TTF2: variants seen among roughly 807,000 people sequenced by gnomAD.
The protein encoded by TTF2 is transcription termination factor 2, also known as RNA polymerase II termination factor.
TTF2 carries 108 observed loss-of-function variants against 142.4 expected under a neutral mutation model. The ratio of observed to expected loss-of-function variants is 0.76; its 90% CI spans 0.65 to 0.89. The LOEUF is 0.89. Among genes scored for constraint, TTF2 ranks in the 40% least tolerant of loss-of-function variants. The probability of loss-of-function intolerance (pLI) is 0.00; values close to 1 mark genes in which losing one functional copy is unlikely to be tolerated. For synonymous variants in TTF2, 483 were observed against 506.2 expected, an observed-to-expected ratio of 0.95 and a Z score of 0.61; for missense variants, 1,327 against 1,379.8, an observed-to-expected ratio of 0.96 and a Z score of 0.61.
At chr1:117,074,769 C>T (rs1656852148) in intron 4 of TTF2, 101 bp from the exon 5 acceptor site, 3 of 1,111,384 alleles carry the variant, frequency 2.7e-6, no homozygotes, top group Non-Finnish European at 3.7e-6. Flanking sequence ...TGCATATGTA[C>T]CCCCTGTATA....
intron 3 of TTF2, among the ~76,000 whole-genome samples, chr1:117,064,398 G>A (rs1032977244): frequency 1.4e-4 from 22 of 152,246 alleles, no homozygotes; most frequent in African/African-American, 4.8e-4. Context: ...TACTCGGGAG[G>A]CTCATCATTT....
intron 18 of TTF2, chr1:117,094,519 A>G: frequency 2.2e-6 from 1 of 453,846 alleles, no homozygotes; most frequent in Non-Finnish European, 4.5e-6. Context: ...GTTCTTGGGG[A>G]ATACCCAGGG....
chr1:117,065,560 G>T (rs939162635), intron 3 of TTF2, among the ~76,000 whole-genome samples: 1 of 152,028 alleles, frequency 6.6e-6, no homozygotes, highest in Non-Finnish European at 1.5e-5. Flanking sequence ...TCGCGCCACC[G>T]CACTCCAGCT....
chr1:117,076,452 A>T lies in TTF2; in HGVS notation c.1390+158A>T. On this transcript the variant is annotated intron_variant, in intron 6 of 22. Coordinates refer to ENST00000369466, the MANE Select transcript of TTF2 (RefSeq NM_003594.4). The surrounding 1 kb of genome is among the most constrained non-coding windows in gnomAD (Gnocchi z 4.6). ...ACATTACACCTATGGTTCATAAAAA[A>T]CTTTCTCCTGTTTCCTGTGGACTCT... 1 of 922,744 alleles carries T rather than the reference A, an allele frequency of 1.1e-6. No homozygotes were observed. Among genetic ancestry groups the T allele is most frequent in the South Asian group, 1.8e-5 (1 of 54,442 alleles). 57.2% of individuals were successfully genotyped at this position (922,744 alleles called of 1,614,324 possible).
Position 117,097,295 on chromosome 1 carries a change from G to T in TTF2, c.3187-56G>T. 1.0e-5 allele frequency: 15 copies of T among 1,494,122 alleles called. No homozygotes were observed. Among genetic ancestry groups the T allele is most frequent in the Non-Finnish European group, 1.4e-5 (15 of 1,070,820 alleles). 92.6% of individuals were successfully genotyped at this position (1,494,122 alleles called of 1,614,324 possible). A position where few individuals can be genotyped will look rare whatever the true frequency, so the allele number is the denominator to read the frequency against. ...TGATTGTGGACTTAAACCTGAGACC[G>T]AGATGTGTTACGAGACCAAGTCTGT... On this transcript the variant is annotated intron_variant, in intron 20 of 22. Transcript: ENST00000369466. The surrounding 1 kb of genome is among the most constrained non-coding windows in gnomAD (Gnocchi z 4.1).
At position 117,090,635 on chromosome 1, in the gene TTF2, A is replaced by C; in HGVS notation, c.2588+12A>C. ...TTTGCAAGATCAAGGTGTGTGTATT[A>C]AAGAAGCACCTTCTCACACACATTG... On this transcript the variant is annotated intron_variant, in intron 15 of 22. Coordinates refer to ENST00000369466, the MANE Select transcript of TTF2 (RefSeq NM_003594.4). The surrounding 1 kb of genome is among the most constrained non-coding windows in gnomAD (Gnocchi z 4.8). The C allele has an allele frequency of 1.2e-6, 2 of 1,602,736 alleles. No individual in the cohort carries two copies. The highest frequency in any genetic ancestry group is 1.7e-6 in the Non-Finnish European group (2 of 1,171,452).
At chr1:117,084,895 C>T (rs977190059) in intron 11 of TTF2, among the ~76,000 whole-genome samples, 18 of 152,162 alleles carry the variant, frequency 1.2e-4, no homozygotes, top group African/African-American at 1.9e-4. Context: ...TCCTAAAGAA[C>T]GGGGCGGCAG....
chr1:117,095,775 G>A (rs1557831178), intron 19 of TTF2, among the ~76,000 whole-genome samples: 1 of 152,254 alleles, frequency 6.6e-6, no homozygotes, highest in South Asian at 2.1e-4. Flanking sequence ...CAGCGTGGGG[G>A]CAGGGAGGAG....
chr1:117,076,728 A>C lies in TTF2; in HGVS notation c.1478A>C (p.Gln493Pro). The change falls in exon 7 of 23, where the codon CAA becomes CCA. Residue 493 changes from glutamine (Q) to proline (P), a missense_variant. Gln to Pro is a moderately conservative substitution (Grantham distance 76). Transcript: ENST00000369466. The surrounding 1 kb of genome is among the most constrained non-coding windows in gnomAD (Gnocchi z 4.6). Reference sequence around the variant, plus strand: ...GGCCCTCCCCACCTGGTGCCTCCCCAACCCCTTCCTCGTCGTGGTACCCAA... The same window carrying C: ...GGCCCTCCCCACCTGGTGCCTCCCCCACCCCTTCCTCGTCGTGGTACCCAA... ...TTGPPHLVPP[Q>P]PLPRRGTQPV... The C allele has an allele frequency of 6.2e-7, 1 of 1,614,028 alleles. No individual in the cohort carries two copies. The highest frequency in any genetic ancestry group is 8.5e-7 in the Non-Finnish European group (1 of 1,179,960).
At position 117,099,750 on chromosome 1, in the gene TTF2, CTT is replaced by C; in HGVS notation, c.3344+845_3344+846del. Among the ~76,000 whole-genome samples the C allele has an allele frequency of 6.6e-6, 1 of 152,208 alleles. No individual in the cohort carries two copies. The highest frequency in any genetic ancestry group is 1.9e-4 in the East Asian group (1 of 5,204). On this transcript the variant is annotated intron_variant, in intron 22 of 22. Transcript: ENST00000369466. This position sits in a 1 kb window ranked among gnomAD's most constrained non-coding sequence, Gnocchi z 4.3. ...TGAAGAATTAGGAATCACTGCCTAT[CTT>C]TACTTGATTACTTCCCATTCATTCC...
intron 3 of TTF2, among the ~76,000 whole-genome samples, chr1:117,072,780 G>A (rs1388433197): frequency 6.6e-6 from 1 of 152,120 alleles, no homozygotes; most frequent in African/African-American, 2.4e-5. Flanking sequence ...GAGTCTTGCT[G>A]TGTTGCCCAG....
At position 117,089,823 on chromosome 1, in the gene TTF2, G is replaced by A. The variant is rs117111155; in HGVS notation, c.2343-232G>A. ...TGGTTATATGTCTTGTTGTGACAGC[G>A]TAGGCATCGTTAATAGGAAAACTCA... On this transcript the variant is annotated intron_variant, in intron 13 of 22. Transcript: ENST00000369466. Among the ~76,000 whole-genome samples the A allele has an allele frequency of 2.2e-3, 329 of 152,288 alleles. 10 individuals carry two copies. The East Asian group carries it at 0.056, about 26-fold the overall frequency.
intron 10 of TTF2, among the ~76,000 whole-genome samples, chr1:117,082,816 C>T (rs920157082): frequency 3.9e-5 from 6 of 152,034 alleles, no homozygotes; most frequent in African/African-American, 1.5e-4. Context: ...AAGCAAGACA[C>T]TGTCTCTTAA....
rs774039008 is a variant in TTF2, at chr1:117,097,382, T to C, written c.3218T>C (p.Val1073Ala). Residue 1073 changes from valine to alanine, a missense_variant, in exon 21 of 23, where the codon GTT becomes GCT. Coordinates refer to ENST00000369466, the MANE Select transcript of TTF2 (RefSeq NM_003594.4). The surrounding 1 kb of genome is among the most constrained non-coding windows in gnomAD (Gnocchi z 4.1). Reference protein sequence around the residue: ...VMLISLLAGGVGLNLTGGNHL... With the variant: ...VMLISLLAGGAGLNLTGGNHL... Reference sequence around the variant, plus strand: ...CTAATCTCTCTCTTGGCCGGAGGTGTTGGTCTAAACCTGACTGGAGGAAAT... The same window carrying C: ...CTAATCTCTCTCTTGGCCGGAGGTGCTGGTCTAAACCTGACTGGAGGAAAT... 49 of 1,614,046 alleles carry C rather than the reference T, an allele frequency of 3.0e-5. No individual in the cohort carries two copies. The highest frequency in any genetic ancestry group is 3.8e-5 in the Non-Finnish European group (45 of 1,180,026).
At chr1:117,062,248 G>A (rs1334578525) in intron 2 of TTF2, 139 bp from the exon 3 acceptor site, 1 of 696,194 alleles carries the variant, frequency 1.4e-6, no homozygotes. Flanking sequence ...CCATAGCTGT[G>A]ATAATGTGTG....
intron 3 of TTF2, among the ~76,000 whole-genome samples, chr1:117,065,859 T>C (rs1240309489): frequency 6.6e-6 from 1 of 152,130 alleles, no homozygotes; most frequent in Non-Finnish European, 1.5e-5. Flanking sequence ...TGGTAGTTGT[T>C]AGGAAGCCAC....
rs1649226748 is a variant in TTF2 at position 117,097,217 on chromosome 1, A to AG, written c.3187-134_3187-133insG. 2.7e-6 allele frequency: 2 copies of AG among 742,158 alleles called. No individual in the cohort carries two copies. Among genetic ancestry groups the AG allele is most frequent in the African/African-American group, 3.6e-5 (2 of 55,686 alleles). 46.0% of individuals were successfully genotyped at this position (742,158 alleles called of 1,614,324 possible). A position where few individuals can be genotyped will look rare whatever the true frequency, so the allele number is the denominator to read the frequency against. ...TAGCATTATAATGTTAAAAAAAAAAACAATTTATAACAGCAGAAGGAAATT... is the reference window on the plus strand; with the variant it reads ...TAGCATTATAATGTTAAAAAAAAAAAGCAATTTATAACAGCAGAAGGAAATT... On this transcript the variant is annotated intron_variant, in intron 20 of 22. Transcript: ENST00000369466. The surrounding 1 kb of genome is among the most constrained non-coding windows in gnomAD (Gnocchi z 4.1).
In TTF2 at chr1:117,076,018, T is replaced by C. The variant is rs143880581; in HGVS notation, c.1275+159T>C. ...TTTCCCCTATTTATATTTTCAAGAT[T>C]GGTAAGCCAGCTGGGTTAAAATTTA... On this transcript the variant is annotated intron_variant, in intron 5 of 22. Transcript: ENST00000369466. This position sits in a 1 kb window ranked among gnomAD's most constrained non-coding sequence, Gnocchi z 4.6. Among the ~76,000 whole-genome samples, 1 of 152,362 alleles carries C rather than the reference T, an allele frequency of 6.6e-6. No individual in the cohort carries two copies. Among genetic ancestry groups the C allele is most frequent in the Non-Finnish European group, 1.5e-5 (1 of 68,030 alleles).
chr1:117,088,779 A>T, intron 12 of TTF2, 22 bp from the exon 13 acceptor site: 1 of 1,609,598 alleles, frequency 6.2e-7, no homozygotes, highest in Non-Finnish European at 8.5e-7. Context: ...TTGTGGCTGG[A>T]TTTCACTTGT....
Sources: allele counts gnomAD v4.1 joint callset (sites outside exome capture counted in the v4.1 genomes callset), GRCh38; gene constraint gnomAD v4.1.1; non-coding constraint Gnocchi (gnomAD v3.1); transcripts MANE v1.5; gene names NCBI Gene and HGNC (gene_info 2026-07-23, HGNC 2026-07-21).